Variants in NWD2 observed in about 807,000 individuals in gnomAD.
The protein encoded by NWD2 is NACHT and WD repeat domain containing 2, also known as NACHT and WD repeat domain-containing protein 2.
In NWD2, 37 loss-of-function variants were observed where a neutral mutation model predicts 132.7. The ratio of observed to expected loss-of-function variants is 0.28; its 90% CI spans 0.21 to 0.37. The LOEUF is 0.37. NWD2 is among the 10% of genes least tolerant of loss of function. The pLI, the probability that NWD2 is intolerant of heterozygous loss-of-function variation, is 1.00. For missense variants in NWD2, 1,592 were observed against 2,122.4 expected (o/e 0.75, Z 4.91); for synonymous variants, 705 against 803.0 (o/e 0.88, Z 2.06).
intron 3 of NWD2, among the ~76,000 whole-genome samples, chr4:37,381,869 TAA>T (rs1293348051): frequency 6.6e-6 from 1 of 152,226 alleles, no homozygotes; most frequent in African/African-American, 2.4e-5. Context: ...ATGAAGTAGT[TAA>T]GTCACATTTC....
At chr4:37,251,428 G>T (rs1441788053) in intron 1 of NWD2, among the ~76,000 whole-genome samples, 1 of 152,182 alleles carries the variant, frequency 6.6e-6, no homozygotes, top group Non-Finnish European at 1.5e-5. Context: ...ATGGAATTAG[G>T]TGCTTCCAAA....
intron 1 of NWD2, among the ~76,000 whole-genome samples, chr4:37,300,475 A>G (rs1718591903): frequency 6.6e-6 from 1 of 152,168 alleles, no homozygotes. Flanking sequence ...TTAACATGAA[A>G]AAGAATTACA....
chr4:37,397,033 CA>C (rs11298140), intron 3 of NWD2, among the ~76,000 whole-genome samples: 125,433 of 149,248 alleles, frequency 0.84, 53,219 homozygotes, highest in Non-Finnish European at 0.9. Flanking sequence ...AACTCTGTTG[CA>C]AAAAAAAAAA....
Position 37,367,742 on chromosome 4 carries a change from G to A in NWD2, c.357+11260G>A, listed in dbSNP as rs1184998754. Reference sequence around the variant, plus strand: ...ATACAGTAGATATTGTGTTGAACACGTTTCCTCTTTTTCTCATACCAACCC... The same window carrying A: ...ATACAGTAGATATTGTGTTGAACACATTTCCTCTTTTTCTCATACCAACCC... On this transcript the variant is annotated intron_variant, in intron 3 of 6. Coordinates refer to ENST00000309447, the MANE Select transcript of NWD2 (RefSeq NM_001144990.2). Among the ~76,000 whole-genome samples the A allele has an allele frequency of 3.9e-5, 6 of 152,106 alleles. No homozygotes were observed. In the East Asian group the frequency reaches 7.7e-4, roughly 20 times the overall value.
chr4:37,372,070 A>T (rs1161340193), intron 3 of NWD2, among the ~76,000 whole-genome samples: 1 of 152,194 alleles, frequency 6.6e-6, no homozygotes. Context: ...TCTTTAAATC[A>T]TTGTTAGATA....
At position 37,244,850 on chromosome 4, in the gene NWD2, A is replaced by G. The variant is rs1161689442; in HGVS notation, c.-218A>G. The G allele has an allele frequency of 3.6e-6, 2 of 562,528 alleles. No individual in the cohort carries two copies. The allele number at this position is 562,528 out of a possible 1,614,324, so 34.8% of individuals were successfully genotyped here. A position where few individuals can be genotyped will look rare whatever the true frequency, so the allele number is the denominator to read the frequency against. The stretch of plus-strand genomic sequence containing the variant: ...AGGCGGAGGCCCAGAAGGGCAGGAG[A>G]CCGCCGCGACAGGAGCCCGAGGGTC... On this transcript the variant is annotated 5_prime_UTR_variant, in exon 1 of 7. Coordinates refer to ENST00000309447, the MANE Select transcript of NWD2 (RefSeq NM_001144990.2). This position sits in a 1 kb window ranked among gnomAD's most constrained non-coding sequence, Gnocchi z 5.5.
chr4:37,413,522 G>A (rs1721204182), intron 3 of NWD2, among the ~76,000 whole-genome samples: 1 of 152,204 alleles, frequency 6.6e-6, no homozygotes, highest in South Asian at 2.1e-4. Context: ...CACTATTGGT[G>A]AGAGTGTAAA....
At chr4:37,401,544 T>C (rs1003592080) in intron 3 of NWD2, among the ~76,000 whole-genome samples, 37 of 152,306 alleles carry the variant, frequency 2.4e-4, no homozygotes, top group African/African-American at 8.9e-4. Flanking sequence ...TCCTCATTGA[T>C]CCCTCCAGCT....
Position 37,367,745 on chromosome 4 carries a change from T to C in NWD2, c.357+11263T>C, listed in dbSNP as rs548962714. 2.0e-5 allele frequency among the ~76,000 whole-genome samples: 3 copies of C among 152,316 alleles called. No homozygotes were observed. In the East Asian group the frequency reaches 5.8e-4, roughly 29 times the overall value. On this transcript the variant is annotated intron_variant, in intron 3 of 6. Transcript: ENST00000309447. ...CAGTAGATATTGTGTTGAACACGTT[T>C]CCTCTTTTTCTCATACCAACCCATG...
At chr4:37,346,750 A>G (rs1341015573) in intron 2 of NWD2, among the ~76,000 whole-genome samples, 1 of 152,000 alleles carries the variant, frequency 6.6e-6, no homozygotes, top group Non-Finnish European at 1.5e-5. Flanking sequence ...ATTTATTCCT[A>G]AGTTTTCTTA....
chr4:37,299,708 A>C (rs10517407), intron 1 of NWD2, among the ~76,000 whole-genome samples: 23,535 of 152,146 alleles, frequency 0.15, 2,341 homozygotes, highest in South Asian at 0.33. Context: ...TAATGTGGGC[A>C]GGTGAACCAG....
At chr4:37,277,961 T>C (rs1224301354) in intron 1 of NWD2, among the ~76,000 whole-genome samples, 1 of 152,172 alleles carries the variant, frequency 6.6e-6, no homozygotes, top group African/African-American at 2.4e-5. Flanking sequence ...ATATCTTTGC[T>C]CAGTTTATGT....
intron 4 of NWD2, among the ~76,000 whole-genome samples, chr4:37,431,427 A>G (rs111955709): frequency 0.011 from 1,641 of 152,338 alleles, 17 homozygotes; most frequent in Middle Eastern, 0.048. Flanking sequence ...GCCCAGAAAG[A>G]CAAATACCAT....
rs951464419 is a variant in NWD2 at position 37,284,521 on chromosome 4, G to T, written c.151+39303G>T. On this transcript the variant is annotated intron_variant, in intron 1 of 6. Transcript: ENST00000309447. ...TCATTCCTTGGCTCCTCCAGTGCCT[G>T]TTGGAGTCCCCCACAGAGCCCTGGA... 2.6e-5 allele frequency among the ~76,000 whole-genome samples: 4 copies of T among 152,212 alleles called. No homozygotes were observed. The East Asian group carries it at 5.8e-4, about 22-fold the overall frequency.
chr4:37,297,770 A>T (rs565508980), intron 1 of NWD2, among the ~76,000 whole-genome samples: 1 of 152,284 alleles, frequency 6.6e-6, no homozygotes, highest in Admixed American at 6.5e-5. Flanking sequence ...GTTTATGATT[A>T]GATTTAGATT....
At chr4:37,272,625 A>C (rs910582607) in intron 1 of NWD2, among the ~76,000 whole-genome samples, 2 of 151,752 alleles carry the variant, frequency 1.3e-5, no homozygotes, top group Admixed American at 1.3e-4. Context: ...CATGCCCTCT[A>C]TTACTGATAC....
intron 3 of NWD2, among the ~76,000 whole-genome samples, chr4:37,388,365 G>C (rs1323315498): frequency 6.6e-6 from 1 of 151,806 alleles, no homozygotes; most frequent in African/African-American, 2.4e-5. Context: ...TGTACTTTTA[G>C]TAGAGATGGG....
At chr4:37,346,785 C>A in intron 2 of NWD2, among the ~76,000 whole-genome samples, 1 of 152,000 alleles carries the variant, frequency 6.6e-6, no homozygotes, top group East Asian at 1.9e-4. Context: ...GAAAGTGTTT[C>A]TTTCTGGTGC....
At chr4:37,332,338 C>G (rs973313197) in intron 2 of NWD2, among the ~76,000 whole-genome samples, 17 of 152,094 alleles carry the variant, frequency 1.1e-4, no homozygotes, top group Non-Finnish European at 5.9e-5. Context: ...AACTTGGACA[C>G]CAGCTCAGCC....
Sources: allele counts gnomAD v4.1 joint callset (sites outside exome capture counted in the v4.1 genomes callset), GRCh38; gene constraint gnomAD v4.1.1; non-coding constraint Gnocchi (gnomAD v3.1); transcripts MANE v1.5; gene names NCBI Gene and HGNC (gene_info 2026-07-23, HGNC 2026-07-21).